The following GPM6A variants were observed in gnomAD, a reference collection of about 807,000 sequenced individuals.
The protein encoded by GPM6A is glycoprotein M6A.
A neutral mutation model predicts 32.1 loss-of-function variants in GPM6A; 7 were observed. The ratio of observed to expected loss-of-function variants is 0.22; its 90% CI spans 0.12 to 0.41. The LOEUF (loss-of-function observed/expected upper bound fraction) is 0.41, where lower values mean the gene tolerates loss of function less well. GPM6A is among the 10% of genes least tolerant of loss of function. GPM6A has a pLI of 1.00. For missense variants in GPM6A, 235 were observed against 347.2 expected (o/e 0.68, Z 2.57); for synonymous variants, 130 against 123.4 (o/e 1.05, Z -0.35).
intron 1 of GPM6A, among the ~76,000 whole-genome samples, chr4:175,903,488 T>C (rs1444349414): frequency 6.6e-6 from 1 of 152,106 alleles, no homozygotes; most frequent in African/African-American, 2.4e-5. Flanking sequence ...ACAAACTACT[T>C]ACTAATTACA....
intron 1 of GPM6A, among the ~76,000 whole-genome samples, chr4:175,883,849 T>C (rs530389518): frequency 5.9e-5 from 9 of 152,296 alleles, no homozygotes; most frequent in African/African-American, 1.9e-4. Context: ...CAATTCTAAA[T>C]TTACCAATTC....
intron 1 of GPM6A, among the ~76,000 whole-genome samples, chr4:175,733,279 G>T (rs758898552): frequency 1.3e-4 from 20 of 152,178 alleles, no homozygotes; most frequent in Non-Finnish European, 2.6e-4. Flanking sequence ...TGAGGCAGGC[G>T]GATCATGAGG....
chr4:175,977,938 C>T (rs1740708670), intron 1 of GPM6A, among the ~76,000 whole-genome samples: 1 of 152,172 alleles, frequency 6.6e-6, no homozygotes, highest in African/African-American at 2.4e-5. Context: ...ACCACTTAAC[C>T]CTCCAAATAC....
chr4:175,664,708 T>C (rs17061768), intron 3 of GPM6A, among the ~76,000 whole-genome samples: 6,961 of 152,274 alleles, frequency 0.046, 181 homozygotes, highest in Non-Finnish European at 0.061. Flanking sequence ...TCACATCTTC[T>C]GGGTTACTTG....
intron 1 of GPM6A, among the ~76,000 whole-genome samples, chr4:175,905,111 T>G (rs761780312): frequency 6.6e-6 from 1 of 152,088 alleles, no homozygotes; most frequent in Non-Finnish European, 1.5e-5. Flanking sequence ...AGCAACAAAC[T>G]GTGGAAGTGA....
At chr4:175,947,597 G>A (rs1554004169) in intron 1 of GPM6A, 1 of 152,026 alleles carries the variant, frequency 6.6e-6, no homozygotes, top group Non-Finnish European at 1.5e-5. Context: ...ATAATAATGA[G>A]CATTTGTGTT....
chr4:175,887,810 C>T (rs976796797), intron 1 of GPM6A, among the ~76,000 whole-genome samples: 2 of 151,684 alleles, frequency 1.3e-5, no homozygotes, highest in Admixed American at 6.6e-5. Context: ...AAATAGCAAG[C>T]CTGAACTGCA....
intron 2 of GPM6A, among the ~76,000 whole-genome samples, chr4:175,682,421 T>A (rs1186009392): frequency 6.6e-6 from 1 of 152,164 alleles, no homozygotes; most frequent in Non-Finnish European, 1.5e-5. Context: ...AATTCCAGAA[T>A]TCAAGCAGGA....
chr4:175,777,111 T>TAGTA (rs146868661), intron 1 of GPM6A, among the ~76,000 whole-genome samples: 3,894 of 152,268 alleles, frequency 0.026, 67 homozygotes, highest in Non-Finnish European at 0.031. Context: ...GTAGGGAAGA[T>TAGTA]AGTAAATGCA....
At chr4:175,892,303 A>G (rs1049177042) in intron 1 of GPM6A, among the ~76,000 whole-genome samples, 38 of 152,298 alleles carry the variant, frequency 2.5e-4, no homozygotes, top group African/African-American at 8.9e-4. Flanking sequence ...ATACATCTAG[A>G]AAAACAATCT....
chr4:175,914,015 A>C (rs1738405876), intron 1 of GPM6A, among the ~76,000 whole-genome samples: 2 of 152,192 alleles, frequency 1.3e-5, no homozygotes. Flanking sequence ...GCCAAGGTTG[A>C]AGGCCTGCCT....
At chr4:175,735,967 C>G (rs142987514) in intron 1 of GPM6A, among the ~76,000 whole-genome samples, 188 of 152,296 alleles carry the variant, frequency 1.2e-3, no homozygotes, top group Non-Finnish European at 1.6e-3. Flanking sequence ...ACAAACCTTT[C>G]TAAATTCGGT....
intron 3 of GPM6A, among the ~76,000 whole-genome samples, chr4:175,669,251 G>C (rs1479246336): frequency 6.6e-6 from 1 of 152,150 alleles, no homozygotes; most frequent in African/African-American, 2.4e-5. Context: ...TAATTATACA[G>C]AGTATGTCTT....
intron 1 of GPM6A, among the ~76,000 whole-genome samples, chr4:175,859,027 A>G (rs553897886): frequency 2.4e-4 from 37 of 152,192 alleles, no homozygotes; most frequent in Non-Finnish European, 5.0e-4. Context: ...AAACTAATCT[A>G]TGGTGATAGA....
chr4:175,934,469 A>C (rs991162012), intron 1 of GPM6A, among the ~76,000 whole-genome samples: 2 of 152,288 alleles, frequency 1.3e-5, no homozygotes, highest in Non-Finnish European at 2.9e-5. Flanking sequence ...ACACTCTAAA[A>C]TATAACCCAA....
intron 1 of GPM6A, among the ~76,000 whole-genome samples, chr4:175,769,216 A>T (rs1401924622): frequency 6.6e-6 from 1 of 152,234 alleles, no homozygotes; most frequent in Admixed American, 6.5e-5. Flanking sequence ...ATTAGTTCAA[A>T]CAACCTTGGG....
chr4:175,836,858 G>A (rs1189205181), intron 1 of GPM6A, among the ~76,000 whole-genome samples: 2 of 152,128 alleles, frequency 1.3e-5, no homozygotes, highest in Admixed American at 6.5e-5. Context: ...GTGACATGAT[G>A]TTATCTGTTT....
intron 3 of GPM6A, among the ~76,000 whole-genome samples, chr4:175,668,869 T>C (rs1742896623): frequency 6.6e-6 from 1 of 152,152 alleles, no homozygotes; most frequent in Non-Finnish European, 1.5e-5. Context: ...CGTAAACAGA[T>C]AACCATCCTA....
At chr4:175,863,251 T>C (rs1736626775) in intron 1 of GPM6A, among the ~76,000 whole-genome samples, 1 of 152,162 alleles carries the variant, frequency 6.6e-6, no homozygotes. Flanking sequence ...CTCCATATCA[T>C]ACCCCGGCAG....
Sources: gnomAD v4.1 joint callset for allele counts (sites outside exome capture counted in the v4.1 genomes callset) on GRCh38, gnomAD v4.1.1 for gene constraint, MANE v1.5 for transcripts, NCBI Gene and HGNC (gene_info 2026-07-23, HGNC 2026-07-21) for gene names.